Variants in ADGRL1 observed in about 807,000 individuals in gnomAD.
ADGRL1 encodes CIRL-1.
ADGRL1 carries 31 observed loss-of-function variants against 148.9 expected under a neutral mutation model. The observed-to-expected ratio is 0.21, with a 90% CI of 0.16 to 0.28. ADGRL1 has a LOEUF of 0.28. Among genes scored for constraint, ADGRL1 ranks in the 10% least tolerant of loss-of-function variants. The pLI is 1.00. For synonymous variants in ADGRL1, 937 were observed against 900.3 expected (o/e 1.04, Z -0.73); for missense variants, 1,521 against 2,058.8 (o/e 0.74, Z 5.05).
chr19:14,197,682 T>C (rs1397090669), intron 1 of ADGRL1, among the ~76,000 whole-genome samples: 1 of 152,196 alleles, frequency 6.6e-6, no homozygotes, highest in African/African-American at 2.4e-5. Context: ...ACAGGGTCTC[T>C]GTGTTTTGCT....
Position 14,162,316 on chromosome 19 carries a change from T to TTGGGAGGCTGGGTTC in ADGRL1, c.1195+275_1195+289dup, listed in dbSNP as rs1435712953. On this transcript the variant is annotated intron_variant, in intron 5 of 22. Transcript: ENST00000361434. The surrounding 1 kb of genome is among the most constrained non-coding windows in gnomAD (Gnocchi z 5.4). ...TGGGAGAGGCACTGCAGTTCAGTGG[T>TTGGGAGGCTGGGTTC]TGGGAGGCTGGGTTCAAATCCTCAA... Among the ~76,000 whole-genome samples, 4 of 152,064 alleles carry TTGGGAGGCTGGGTTC rather than the reference T, an allele frequency of 2.6e-5. No homozygotes were observed. Among genetic ancestry groups the TTGGGAGGCTGGGTTC allele is most frequent in the Non-Finnish European group, 5.9e-5 (4 of 67,986 alleles).
In ADGRL1 at chr19:14,157,749, A is replaced by C; in HGVS notation, c.2535+133T>G. On this transcript the variant is annotated intron_variant, in intron 13 of 22. Coordinates refer to ENST00000361434, the MANE Select transcript of ADGRL1 (RefSeq NM_014921.5). The surrounding 1 kb of genome is among the most constrained non-coding windows in gnomAD (Gnocchi z 7.5). ...GACCAGACGCATGGCCTCATGCCCC[A>C]GGCAAGACCAGGGGCCCCCCACACC... is the stretch of plus-strand genomic sequence containing the variant. The C allele has an allele frequency of 9.4e-7, 1 of 1,065,724 alleles. No homozygotes were observed. Among genetic ancestry groups the C allele is most frequent in the East Asian group, 2.6e-5 (1 of 38,560 alleles). 66.0% of individuals were successfully genotyped at this position (1,065,724 alleles called of 1,614,324 possible).
intron 1 of ADGRL1, among the ~76,000 whole-genome samples, chr19:14,184,715 C>T (rs1971475712): frequency 6.6e-6 from 1 of 151,212 alleles, no homozygotes; most frequent in Non-Finnish European, 1.5e-5. Context: ...ACTCAGCTCA[C>T]TGCAAGCTCC....
intron 4 of ADGRL1, among the ~76,000 whole-genome samples, chr19:14,164,885 C>T (rs1969803063): frequency 6.6e-6 from 1 of 152,142 alleles, no homozygotes; most frequent in Admixed American, 6.5e-5. Flanking sequence ...GGCCGGGCCT[C>T]CCTCACCTCC....
intron 1 of ADGRL1, among the ~76,000 whole-genome samples, chr19:14,196,452 C>T (rs190885136): frequency 1.1e-3 from 171 of 152,300 alleles, no homozygotes; most frequent in South Asian, 2.9e-3. Flanking sequence ...AACCTTGTCT[C>T]TGCCAAAAAT....
intron 4 of ADGRL1, among the ~76,000 whole-genome samples, chr19:14,164,956 C>A (rs555545111): frequency 1.3e-5 from 2 of 152,282 alleles, no homozygotes; most frequent in Admixed American, 6.5e-5. Flanking sequence ...GGAGGGTTTG[C>A]AGTGAATTCT....
chr19:14,152,945 C>T lies in ADGRL1; in HGVS notation c.3295-33G>A. On this transcript the variant is annotated intron_variant, in intron 18 of 22. Coordinates refer to ENST00000361434, the MANE Select transcript of ADGRL1 (RefSeq NM_014921.5). The surrounding 1 kb of genome is among the most constrained non-coding windows in gnomAD (Gnocchi z 6.1). Reference sequence around the variant, plus strand: ...GTGGAGGACAGTCAGCTGGCTGGGACACTGGCCTCCTCTGTGATCCAGTCT... The same window carrying T: ...GTGGAGGACAGTCAGCTGGCTGGGATACTGGCCTCCTCTGTGATCCAGTCT... The T allele has an allele frequency of 6.2e-7, 1 of 1,609,494 alleles. No homozygotes were observed. The highest frequency in any genetic ancestry group is 8.5e-7 in the Non-Finnish European group (1 of 1,178,176).
rs1194642572 is a variant in ADGRL1, at chr19:14,151,394, C to T, written c.3889G>A (p.Gly1297Ser). ...NLRGSSSAAK[G>S]PPPPEPPVPP... ...ACAGGGGGCTCAGGCGGTGGAGGGCCCTTGGCCGCGCTGCTGCTCCCCCGC... is the reference window on the plus strand; with the variant it reads ...ACAGGGGGCTCAGGCGGTGGAGGGCTCTTGGCCGCGCTGCTGCTCCCCCGC... The change falls in exon 23 of 23, where the codon GGC (glycine) becomes AGC (serine). Residue 1297 changes from glycine to serine, a missense_variant. Transcript: ENST00000361434. 1 of 1,607,510 alleles carries T rather than the reference C, an allele frequency of 6.2e-7. No individual in the cohort carries two copies. Among genetic ancestry groups the T allele is most frequent in the Admixed American group, 1.7e-5 (1 of 58,944 alleles).
chr19:14,158,498 G>C lies in ADGRL1; in HGVS notation c.2204C>G (p.Thr735Arg). Residue 735 changes from threonine to arginine, a missense_variant, in exon 12 of 23, where the codon ACG becomes AGG. Physicochemically the swap from Thr to Arg is moderately conservative, Grantham distance 71. Transcript: ENST00000361434. The stretch of plus-strand genomic sequence containing the variant: ...GGCCAGCTTCACTGTGGCATTCTCC[G>C]TGGACAGGAAGAGGCCCAGGTTGTT... ...LYNNLGLFLS[T>R]ENATVKLAGE... 6.2e-7 allele frequency: 1 copy of C among 1,614,090 alleles called. No homozygotes were observed. The highest frequency in any genetic ancestry group is 8.5e-7 in the Non-Finnish European group (1 of 1,180,030).
rs149422470 is a variant in ADGRL1 at position 14,162,755 on chromosome 19, C to T, written c.1046G>A (p.Arg349His). The change falls in exon 5 of 23, where the codon CGC (arginine) becomes CAC (histidine). Residue 349 changes from arginine (R) to histidine (H), a missense_variant. This residue lies in a region of ADGRL1 where 270 missense variants were observed against 320.4 expected (regional missense o/e 0.84). Transcript: ENST00000361434. The surrounding 1 kb of genome is among the most constrained non-coding windows in gnomAD (Gnocchi z 5.4). ...VDYAFNTNAN[R>H]EEPVSLTFPN... is the part of the protein sequence containing the mutation. ...GAAGGTGAGGCTGACAGGCTCCTCGCGGTTGGCATTGGTGTTGAAGGCATA... is the reference window on the plus strand; with the variant it reads ...GAAGGTGAGGCTGACAGGCTCCTCGTGGTTGGCATTGGTGTTGAAGGCATA... 2,209 of 1,614,172 alleles carry T rather than the reference C, an allele frequency of 1.4e-3. 2 individuals carry two copies. The highest frequency in any genetic ancestry group is 1.7e-3 in the Non-Finnish European group (1,988 of 1,180,034).
At chr19:14,167,707 C>T (rs1487047868) in intron 4 of ADGRL1, among the ~76,000 whole-genome samples, 3 of 149,846 alleles carry the variant, frequency 2.0e-5, no homozygotes, top group Non-Finnish European at 3.0e-5. Flanking sequence ...GACAGGCAGA[C>T]GGGCAGTTGC....
At position 14,151,209 on chromosome 19, in the gene ADGRL1, G is replaced by C; in HGVS notation, c.4074C>G (p.Ser1358Arg). The C allele has an allele frequency of 6.2e-7, 1 of 1,611,754 alleles. No homozygotes were observed. The highest frequency in any genetic ancestry group is 8.5e-7 in the Non-Finnish European group (1 of 1,179,644). Residue 1358 changes from serine to arginine, a missense_variant, in exon 23 of 23, where the codon AGC becomes AGG. Transcript: ENST00000361434. ...LYQSDLDESE[S>R]CTAEDGATSR... is the part of the protein sequence containing the mutation. Reference sequence around the variant, plus strand: ...TGGTGGCGCCGTCCTCGGCCGTGCAGCTCTCCGACTCGTCCAGATCGCTCT... The same window carrying C: ...TGGTGGCGCCGTCCTCGGCCGTGCACCTCTCCGACTCGTCCAGATCGCTCT...
At chr19:14,176,467 A>G (rs1358003972) in intron 3 of ADGRL1, among the ~76,000 whole-genome samples, 1 of 152,150 alleles carries the variant, frequency 6.6e-6, no homozygotes, top group African/African-American at 2.4e-5. Flanking sequence ...CACCCCACAC[A>G]CAATCACTCA....
chr19:14,162,901 C>T lies in ADGRL1; in HGVS notation c.900G>A (p.Thr300=), dbSNP rs756624404. Residue 300 remains threonine, a synonymous_variant, in exon 5 of 23, where the codon ACG becomes ACA. Coordinates refer to ENST00000361434, the MANE Select transcript of ADGRL1 (RefSeq NM_014921.5). The surrounding 1 kb of genome is among the most constrained non-coding windows in gnomAD (Gnocchi z 5.4). ...AGCGCTTGTCGTAACCCGTCTCCCA[C>T]GTGCCCTCAAAGCGCAGTGTGTAGG... ...LNPYTLRFEG[T]WETGYDKRSA... is the part of the protein sequence containing the mutation. 1.9e-5 allele frequency: 30 copies of T among 1,613,780 alleles called. No homozygotes were observed. Among genetic ancestry groups the T allele is most frequent in the African/African-American group, 2.7e-5 (2 of 75,050 alleles).
chr19:14,163,075 C>T lies in ADGRL1; in HGVS notation c.726G>A (p.Thr242=), dbSNP rs139207999. Residue 242 remains threonine, a synonymous_variant, in exon 5 of 23, where the codon ACG becomes ACA. Coordinates refer to ENST00000361434, the MANE Select transcript of ADGRL1 (RefSeq NM_014921.5). The part of the protein sequence containing the change: ...DLRTRIKSGE[T]VINTANYHDT... ...CATGGTAGTTGGCGGTATTGATGAC[C>T]GTCTCCCCGCTCTTGATGCGCGTCC... 4.0e-4 allele frequency: 642 copies of T among 1,614,014 alleles called. No homozygotes were observed. The highest frequency in any genetic ancestry group is 5.3e-4 in the Non-Finnish European group (622 of 1,180,036).
At chr19:14,186,718 C>T (rs2145061216) in intron 1 of ADGRL1, among the ~76,000 whole-genome samples, 1 of 152,284 alleles carries the variant, frequency 6.6e-6, no homozygotes, top group South Asian at 2.1e-4. Context: ...CTCAGTTCCT[C>T]ACTAGAGCCC....
At position 14,157,029 on chromosome 19, in the gene ADGRL1, C is replaced by A. The variant is rs751992807; in HGVS notation, c.2862G>T (p.Glu954Asp). 1.3e-5 allele frequency: 21 copies of A among 1,613,922 alleles called. No homozygotes were observed. The highest frequency in any genetic ancestry group is 1.8e-5 in the Non-Finnish European group (21 of 1,179,984). The change falls in exon 15 of 23, where the codon GAG becomes GAT. Residue 954 changes from glutamate to aspartate, a missense_variant. This residue lies in a region of ADGRL1 where 185 missense variants were observed against 251.7 expected (regional missense o/e 0.74). Coordinates refer to ENST00000361434, the MANE Select transcript of ADGRL1 (RefSeq NM_014921.5). The surrounding 1 kb of genome is among the most constrained non-coding windows in gnomAD (Gnocchi z 7.5). ...GGTAGTAGTACTTGGTGCGGGAATA[C>A]TCGCTCTCAAACACCTCCACTAGTA... is the stretch of plus-strand genomic sequence containing the variant. ...YLLLVEVFESEYSRTKYYYLG... is the reference protein window; with the variant it reads ...YLLLVEVFESDYSRTKYYYLG...
At chr19:14,188,940 C>T (rs893979764) in intron 1 of ADGRL1, among the ~76,000 whole-genome samples, 5 of 151,626 alleles carry the variant, frequency 3.3e-5, no homozygotes, top group Admixed American at 2.0e-4. Context: ...CGAGCAGACA[C>T]GGGGTTTCAC....
At chr19:14,202,555 T>C (rs971785528) in intron 1 of ADGRL1, among the ~76,000 whole-genome samples, 3 of 152,084 alleles carry the variant, frequency 2.0e-5, no homozygotes, top group African/African-American at 7.2e-5. Flanking sequence ...GCCCAGCTGA[T>C]AGGAGAGCTT....
Sources: gnomAD v4.1 joint callset for allele counts (sites outside exome capture counted in the v4.1 genomes callset) on GRCh38, gnomAD v4.1.1 for gene constraint, gnomAD v4.1.1 regional missense constraint, Gnocchi (gnomAD v3.1) non-coding constraint, MANE v1.5 for transcripts, NCBI Gene and HGNC (gene_info 2026-07-23, HGNC 2026-07-21) for gene names.